Variants in TBC1D14 observed in about 807,000 individuals in gnomAD.
TBC1D14 encodes TBC1 domain family, member 14.
TBC1D14 carries 26 observed loss-of-function variants against 79.0 expected under a neutral mutation model. The ratio of observed to expected loss-of-function variants is 0.33; its 90% CI spans 0.24 to 0.46. TBC1D14 has a LOEUF of 0.46. Among genes scored for constraint, TBC1D14 ranks in the 20% least tolerant of loss-of-function variants. The pLI is 1.00. For synonymous variants in TBC1D14, 394 were observed against 349.9 expected (o/e 1.13, Z -1.40); for missense variants, 769 against 887.6 (o/e 0.87, Z 1.70).
intron 2 of TBC1D14, among the ~76,000 whole-genome samples, chr4:6,937,337 G>A (rs1214562469): frequency 6.6e-6 from 1 of 152,234 alleles, no homozygotes; most frequent in East Asian, 1.9e-4. Flanking sequence ...TTCAGTGTCT[G>A]GTGAGCTGTT....
At chr4:6,959,462 G>T (rs1204644807) in intron 2 of TBC1D14, among the ~76,000 whole-genome samples, 1 of 152,176 alleles carries the variant, frequency 6.6e-6, no homozygotes, top group African/African-American at 2.4e-5. Flanking sequence ...CCTTCCCCCG[G>T]GCTGGTGTGA....
At chr4:6,926,326 CT>C (rs1724295171) in intron 2 of TBC1D14, among the ~76,000 whole-genome samples, 1 of 152,192 alleles carries the variant, frequency 6.6e-6, no homozygotes. Flanking sequence ...CCACGTTGCT[CT>C]TTCTGCCGCC....
chr4:7,009,757 C>T, intron 9 of TBC1D14, 120 bp from the exon 10 acceptor site: 1 of 989,564 alleles, frequency 1.0e-6, no homozygotes, highest in South Asian at 1.4e-5. Flanking sequence ...TCATGCTTGG[C>T]ATATTTCATA....
intron 12 of TBC1D14, among the ~76,000 whole-genome samples, chr4:7,023,056 C>T (rs963980663): frequency 3.3e-5 from 5 of 152,036 alleles, no homozygotes; most frequent in Non-Finnish European, 7.4e-5. Flanking sequence ...GAGTTCAAGA[C>T]CAGCCGGGCC....
intron 2 of TBC1D14, among the ~76,000 whole-genome samples, chr4:6,948,497 G>C (rs1229373017): frequency 2.0e-5 from 3 of 152,156 alleles, no homozygotes; most frequent in Non-Finnish European, 2.9e-5. Flanking sequence ...GGTTTGATTT[G>C]TTCAGGGTCC....
At chr4:6,978,549 C>T (rs1235464609) in intron 3 of TBC1D14, among the ~76,000 whole-genome samples, 2 of 148,722 alleles carry the variant, frequency 1.3e-5, no homozygotes, top group Non-Finnish European at 3.0e-5. Flanking sequence ...GCAGCATGCT[C>T]GTTAAGAGTC....
chr4:7,016,631 GT>G (rs1191525426), intron 12 of TBC1D14, among the ~76,000 whole-genome samples: 2 of 152,228 alleles, frequency 1.3e-5, no homozygotes, highest in Non-Finnish European at 2.9e-5. Flanking sequence ...GACCCAATGT[GT>G]GCAGAAACTT....
rs181981871 is a variant in TBC1D14, at chr4:7,028,697, T to C, written c.2017-1630T>C. On this transcript the variant is annotated intron_variant, in intron 13 of 13. Coordinates refer to ENST00000409757, the MANE Select transcript of TBC1D14 (RefSeq NM_020773.3). ...ACCTCAGCCTCCCAAAGTGCTGGGA[T>C]TATAGGCGTGAGCCACCACACCTGG... Among the ~76,000 whole-genome samples, 53 of 152,292 alleles carry C rather than the reference T, an allele frequency of 3.5e-4. 1 individual carries two copies. Among genetic ancestry groups the C allele is most frequent in the African/African-American group, 1.1e-3 (47 of 41,584 alleles).
chr4:6,929,278 C>T (rs956992791), intron 2 of TBC1D14, among the ~76,000 whole-genome samples: 15 of 152,024 alleles, frequency 9.9e-5, no homozygotes, highest in Admixed American at 5.9e-4. Flanking sequence ...AGAGTTGCGG[C>T]GATGAAAGGA....
At chr4:6,926,861 T>A (rs1724334698) in intron 2 of TBC1D14, among the ~76,000 whole-genome samples, 1 of 152,248 alleles carries the variant, frequency 6.6e-6, no homozygotes, top group Admixed American at 6.5e-5. Flanking sequence ...GGGCTAGAGC[T>A]GGTCCTCTGG....
intron 9 of TBC1D14, 85 bp from the exon 10 acceptor site, chr4:7,009,792 G>A: frequency 7.5e-7 from 1 of 1,330,824 alleles, no homozygotes; most frequent in Non-Finnish European, 1.1e-6. Context: ...AGGAGTGGCA[G>A]CGGCAGCAGT....
chr4:7,006,310 C>A, intron 8 of TBC1D14, among the ~76,000 whole-genome samples: 1 of 151,924 alleles, frequency 6.6e-6, no homozygotes, highest in East Asian at 1.9e-4. Flanking sequence ...CTTGGAGTTT[C>A]TTTGTGTTTA....
chr4:6,931,536 T>G (rs1711734313), intron 2 of TBC1D14, among the ~76,000 whole-genome samples: 1 of 152,210 alleles, frequency 6.6e-6, no homozygotes, highest in African/African-American at 2.4e-5. Context: ...GTGTATGTGC[T>G]GGACACACAC....
At chr4:6,948,060 AG>A (rs1471987751) in intron 2 of TBC1D14, among the ~76,000 whole-genome samples, 1 of 152,106 alleles carries the variant, frequency 6.6e-6, no homozygotes, top group Non-Finnish European at 1.5e-5. Flanking sequence ...CTGCGTGGGG[AG>A]GGGGCACATG....
intron 6 of TBC1D14, among the ~76,000 whole-genome samples, chr4:6,999,950 G>GTGCGGGCAGAAGTCCCAAGGC (rs1719489298): frequency 6.6e-6 from 1 of 152,146 alleles, no homozygotes; most frequent in African/African-American, 2.4e-5. Context: ...GGGGGCCAGT[G>GTGCGGGCAGAAGTCCCAAGGC]TGCGGGCAGA....
intron 13 of TBC1D14, among the ~76,000 whole-genome samples, chr4:7,029,914 G>A (rs887738863): frequency 1.3e-5 from 2 of 152,226 alleles, no homozygotes; most frequent in Admixed American, 1.3e-4. Context: ...CAGGCAAGAG[G>A]AACCAGTGCC....
At chr4:7,019,026 G>T (rs10029231) in intron 12 of TBC1D14, among the ~76,000 whole-genome samples, 63,817 of 151,524 alleles carry the variant, frequency 0.42, 14,060 homozygotes, top group East Asian at 0.6. Flanking sequence ...ATCTTTTTTT[G>T]TTGTTGTTGT....
intron 12 of TBC1D14, among the ~76,000 whole-genome samples, chr4:7,024,380 C>T (rs1166490272): frequency 6.6e-6 from 1 of 152,164 alleles, no homozygotes; most frequent in Non-Finnish European, 1.5e-5. Context: ...GCTGGGGATC[C>T]CCACCTGTAC....
In TBC1D14 at chr4:6,984,305, G is replaced by A. The variant is rs374183102; in HGVS notation, c.844-9879G>A. Among the ~76,000 whole-genome samples the A allele has an allele frequency of 7.9e-5, 12 of 152,256 alleles. 1 individual carries two copies. Among genetic ancestry groups the A allele is most frequent in the African/African-American group, 2.9e-4 (12 of 41,546 alleles). On this transcript the variant is annotated intron_variant, in intron 3 of 13. Transcript: ENST00000409757. ...TGAGGGTGAAGTACAATGCAGCATG[G>A]GGTCGTGGAGCAGTGGCTGGCATCC...
Sources: gnomAD v4.1 joint callset for allele counts (sites outside exome capture counted in the v4.1 genomes callset) on GRCh38, gnomAD v4.1.1 for gene constraint, MANE v1.5 for transcripts, NCBI Gene and HGNC (gene_info 2026-07-23, HGNC 2026-07-21) for gene names.